SPIDR: variants seen among roughly 807,000 people sequenced by gnomAD.
SPIDR encodes scaffold protein involved in DNA repair, also known as DNA repair-scaffolding protein.
In SPIDR, 93 loss-of-function variants were observed where a neutral mutation model predicts 104.6. That is an observed-to-expected ratio of 0.89 (90% CI 0.75 to 1.06). The LOEUF (loss-of-function observed/expected upper bound fraction) is 1.06. Among genes scored for constraint, SPIDR ranks in the 50% least tolerant of loss-of-function variants. The pLI is 0.00. For missense variants in SPIDR, 1,154 were observed against 1,111.2 expected (o/e 1.04, Z -0.55); for synonymous variants, 431 against 416.9 (o/e 1.03, Z -0.41).
chr8:47,713,088 C>T, intron 15 of SPIDR: 1 of 1,263,632 alleles, frequency 7.9e-7, no homozygotes, highest in Non-Finnish European at 1.0e-6. Flanking sequence ...TGTGCTCACT[C>T]CAGAATTGCC....
chr8:47,413,070 G>A (rs548059666), intron 7 of SPIDR, among the ~76,000 whole-genome samples: 163 of 152,346 alleles, frequency 1.1e-3, no homozygotes, highest in African/African-American at 3.6e-3. Context: ...GTTTCAGGAA[G>A]GCCACTTTGA....
At chr8:47,514,432 G>A (rs765813664) in intron 8 of SPIDR, among the ~76,000 whole-genome samples, 1 of 152,172 alleles carries the variant, frequency 6.6e-6, no homozygotes, top group Non-Finnish European at 1.5e-5. Context: ...TGTGCTCCTT[G>A]TTACCTGTTT....
intron 8 of SPIDR, among the ~76,000 whole-genome samples, chr8:47,506,421 T>C (rs1283375219): frequency 6.6e-6 from 1 of 152,206 alleles, no homozygotes; most frequent in Non-Finnish European, 1.5e-5. Flanking sequence ...GTTCCACCAG[T>C]GCAGGTTCTC....
intron 4 of SPIDR, among the ~76,000 whole-genome samples, chr8:47,292,829 G>C (rs1243595813): frequency 6.6e-6 from 1 of 152,032 alleles, no homozygotes; most frequent in Non-Finnish European, 1.5e-5. Flanking sequence ...TGTATTGTGA[G>C]TATCTCGAAT....
chr8:47,373,481 G>A (rs782490059), intron 5 of SPIDR, among the ~76,000 whole-genome samples: 1 of 151,738 alleles, frequency 6.6e-6, no homozygotes, highest in Non-Finnish European at 1.5e-5. Flanking sequence ...AGTTTAGGTG[G>A]GATTTTTTTT....
At chr8:47,640,717 G>T (rs555886442) in intron 10 of SPIDR, among the ~76,000 whole-genome samples, 2 of 151,566 alleles carry the variant, frequency 1.3e-5, no homozygotes, top group African/African-American at 2.4e-5. Flanking sequence ...TCGCTCTATC[G>T]CCCAGGCTGG....
In SPIDR at chr8:47,413,669, G is replaced by A. The variant is rs138506761; in HGVS notation, c.877+5708G>A. ...TAAATTCTTAAATAGTTTGGGTTCT[G>A]TCTGTCCTGTTTCCCCCTTCAACAT... On this transcript the variant is annotated intron_variant, in intron 7 of 19. Transcript: ENST00000297423. 3.1e-3 allele frequency among the ~76,000 whole-genome samples: 471 copies of A among 152,330 alleles called. 1 individual carries two copies. The highest frequency in any genetic ancestry group is 0.011 in the African/African-American group (460 of 41,568).
chr8:47,291,142 T>C lies in SPIDR; in HGVS notation c.361+5T>C. ...CACTTTCTCAGTTACAGAGAGGTAA[T>C]GGACATTGCTCTAGAATAGACAGAT... On this transcript the variant is annotated splice_donor_5th_base_variant and intron_variant, in intron 4 of 19. Coordinates refer to ENST00000297423, the MANE Select transcript of SPIDR (RefSeq NM_001080394.4). 6.3e-7 allele frequency: 1 copy of C among 1,590,914 alleles called. No individual in the cohort carries two copies.
chr8:47,592,136 G>A (rs768695846), intron 8 of SPIDR: 5 of 1,403,184 alleles, frequency 3.6e-6, no homozygotes, highest in Non-Finnish European at 5.0e-6. Context: ...CTTGATGATC[G>A]GATCAATTTA....
In SPIDR at chr8:47,614,017, T is replaced by C. The variant is rs141408097; in HGVS notation, c.1544+14821T>C. The stretch of plus-strand genomic sequence containing the variant: ...GCTATTTATCCTGAGGCTCTCCCTT[T>C]CCCCACTCCCTACCCCATACAGGCC... On this transcript the variant is annotated intron_variant, in intron 10 of 19. Transcript: ENST00000297423. Among the ~76,000 whole-genome samples the C allele has an allele frequency of 8.6e-3, 1,308 of 152,142 alleles. 10 individuals are homozygous for C. Among genetic ancestry groups the C allele is most frequent in the South Asian group, 0.021 (101 of 4,832 alleles).
intron 8 of SPIDR, among the ~76,000 whole-genome samples, chr8:47,499,491 T>G (rs1339677951): frequency 6.6e-6 from 1 of 152,032 alleles, no homozygotes; most frequent in Non-Finnish European, 1.5e-5. Context: ...TTGTGGACAA[T>G]TGAGCACCAT....
chr8:47,627,145 A>C (rs2066278993), intron 10 of SPIDR, among the ~76,000 whole-genome samples: 2 of 152,294 alleles, frequency 1.3e-5, no homozygotes, highest in Admixed American at 1.3e-4. Context: ...AGGACAAAAA[A>C]CCGAACACCG....
At position 47,595,867 on chromosome 8, in the gene SPIDR, G is replaced by C; in HGVS notation, c.1154G>C (p.Cys385Ser). The change falls in exon 9 of 20, where the codon TGT becomes TCT. Residue 385 changes from cysteine to serine, a missense_variant. Cys to Ser is a moderately radical substitution (Grantham distance 112, BLOSUM62 -1). Coordinates refer to ENST00000297423, the MANE Select transcript of SPIDR (RefSeq NM_001080394.4). Reference sequence around the variant, plus strand: ...CCTGTTATTCTGAATACTTACTTTTGTGAGAAAGTTGTTGCCAAAGAAGAT... The same window carrying C: ...CCTGTTATTCTGAATACTTACTTTTCTGAGAAAGTTGTTGCCAAAGAAGAT... ...SCPVILNTYF[C>S]EKVVAKEDSE... The C allele has an allele frequency of 6.2e-7, 1 of 1,614,180 alleles. No individual in the cohort carries two copies. Among genetic ancestry groups the C allele is most frequent in the South Asian group, 1.1e-5 (1 of 91,082 alleles).
At chr8:47,693,205 AG>A (rs1320785613) in intron 11 of SPIDR, among the ~76,000 whole-genome samples, 1 of 152,238 alleles carries the variant, frequency 6.6e-6, no homozygotes, top group Non-Finnish European at 1.5e-5. Flanking sequence ...TGTGTGTATA[AG>A]GGTGACATAA....
intron 16 of SPIDR, among the ~76,000 whole-genome samples, chr8:47,718,738 C>G (rs186558858): frequency 6.6e-6 from 1 of 152,032 alleles, no homozygotes; most frequent in Non-Finnish European, 1.5e-5. Flanking sequence ...AATAGAAATA[C>G]GGTCTTGGCC....
At chr8:47,357,337 G>A (rs374570893) in intron 5 of SPIDR, among the ~76,000 whole-genome samples, 3 of 152,162 alleles carry the variant, frequency 2.0e-5, no homozygotes, top group South Asian at 2.1e-4. Flanking sequence ...CGACACCCAC[G>A]CCATAACTAC....
chr8:47,312,201 G>GT (rs2044316239), intron 5 of SPIDR, among the ~76,000 whole-genome samples: 2 of 152,144 alleles, frequency 1.3e-5, no homozygotes, highest in Non-Finnish European at 2.9e-5. Flanking sequence ...TGTCTTTATA[G>GT]CAGCATGATT....
rs373514549 is a variant in SPIDR, at chr8:47,565,258, GGAGAAGA to G, written c.1098-30541_1098-30535del. Among the ~76,000 whole-genome samples the G allele has an allele frequency of 3.7e-4, 56 of 152,186 alleles. 1 individual carries two copies. The highest frequency in any genetic ancestry group is 1.4e-3 in the Admixed American group (21 of 15,270). On this transcript the variant is annotated intron_variant, in intron 8 of 19. Coordinates refer to ENST00000297423, the MANE Select transcript of SPIDR (RefSeq NM_001080394.4). The stretch of plus-strand genomic sequence containing the variant: ...TGAAATTCCGTCTCAAAAAGAAAGA[GGAGAAGA>G]GAGAAGAGAGAGAAATTGAAGAAGG...
At chr8:47,423,373 G>A (rs1369901929) in intron 7 of SPIDR, among the ~76,000 whole-genome samples, 2 of 151,736 alleles carry the variant, frequency 1.3e-5, no homozygotes, top group African/African-American at 4.8e-5. Context: ...TTGGGAGGCT[G>A]AGGCAGGTGA....
Sources: allele counts gnomAD v4.1 joint callset (sites outside exome capture counted in the v4.1 genomes callset), GRCh38; gene constraint gnomAD v4.1.1; transcripts MANE v1.5; gene names NCBI Gene and HGNC (gene_info 2026-07-23, HGNC 2026-07-21).